PDSS1: variants seen among roughly 807,000 people sequenced by gnomAD.
PDSS1 encodes all trans-polyprenyl-diphosphate synthase PDSS1.
Under a neutral mutation model 57.5 loss-of-function variants are expected in PDSS1, and 43 were observed. The observed-to-expected ratio is 0.75, with a 90% CI of 0.59 to 0.96. PDSS1 has a LOEUF of 0.96. PDSS1 is among the 50% of genes least tolerant of loss of function. The pLI is 0.00. For missense variants in PDSS1, 438 were observed against 527.8 expected (o/e 0.83, Z 1.67); for synonymous variants, 175 against 191.3 (o/e 0.91, Z 0.70).
intron 8 of PDSS1, among the ~76,000 whole-genome samples, chr10:26,731,815 G>A (rs781108826): frequency 2.3e-4 from 35 of 152,156 alleles, no homozygotes; most frequent in Non-Finnish European, 4.0e-4. Context: ...TTTATTTATC[G>A]GAGTCTCACT....
chr10:26,708,020 T>C (rs1435006121), intron 4 of PDSS1, among the ~76,000 whole-genome samples: 3 of 152,238 alleles, frequency 2.0e-5, no homozygotes, highest in South Asian at 2.1e-4. Context: ...CTCCTCCCTG[T>C]CTCAGCTTCC....
intron 11 of PDSS1, among the ~76,000 whole-genome samples, chr10:26,744,638 C>T (rs754475291): frequency 1.3e-5 from 2 of 152,050 alleles, no homozygotes; most frequent in East Asian, 2.0e-4. Flanking sequence ...CCGCCCGCCT[C>T]GGCCTCCCAA....
intron 4 of PDSS1, among the ~76,000 whole-genome samples, chr10:26,708,953 C>G (rs562985233): frequency 6.6e-6 from 1 of 152,366 alleles, no homozygotes; most frequent in South Asian, 2.1e-4. Flanking sequence ...TTCCCGCCTC[C>G]ATCTTTCAAG....
chr10:26,709,831 A>T, intron 5 of PDSS1, 63 bp downstream of exon 5: 2 of 1,536,876 alleles, frequency 1.3e-6, no homozygotes, highest in South Asian at 1.1e-5. Flanking sequence ...TCCCGGGGTT[A>T]CTTACTGTTT....
intron 8 of PDSS1, among the ~76,000 whole-genome samples, chr10:26,732,305 A>C (rs1435460753): frequency 6.6e-6 from 1 of 152,170 alleles, no homozygotes; most frequent in Non-Finnish European, 1.5e-5. Context: ...CATGGTCTTT[A>C]TGCTACCCCA....
chr10:26,724,986 C>A (rs181959362), intron 8 of PDSS1, among the ~76,000 whole-genome samples: 8 of 152,230 alleles, frequency 5.3e-5, no homozygotes, highest in African/African-American at 1.9e-4. Flanking sequence ...TTTCCCCTTG[C>A]TTTCTCCCTC....
At chr10:26,722,426 T>G (rs2489550) in intron 6 of PDSS1, among the ~76,000 whole-genome samples, 2 of 152,126 alleles carry the variant, frequency 1.3e-5, no homozygotes, top group African/African-American at 4.8e-5. Context: ...CACTTACGGC[T>G]GGGTGTGGTG....
At position 26,742,585 on chromosome 10, in the gene PDSS1, T is replaced by C; in HGVS notation, c.1107+8T>C. 2 of 1,581,542 alleles carry C rather than the reference T, an allele frequency of 1.3e-6. No homozygotes were observed. The highest frequency in any genetic ancestry group is 1.7e-6 in the Non-Finnish European group (2 of 1,151,186). On this transcript the variant is annotated splice_region_variant and intron_variant, in intron 11 of 11. Transcript: ENST00000376215. ...CGACAGTATGTACTACAGGTAAGAC[T>C]GTTTTTTTAAAAAAAAGGCAGCAGC...
rs1358211399 is a variant in PDSS1 at position 26,724,036 on chromosome 10, A to G, written c.744A>G (p.Ser248=). The stretch of plus-strand genomic sequence containing the variant: ...TAGGTGAATTTCTTCAGCTCGGGTC[A>G]AAAGAAAATGAGAATGAAAGATTTG... ...LVRGEFLQLG[S]KENENERFAH... Residue 248 remains serine, a synonymous_variant, in exon 8 of 12, where the codon TCA becomes TCG. Transcript: ENST00000376215. 1 of 1,613,944 alleles carries G rather than the reference A, an allele frequency of 6.2e-7. No homozygotes were observed. The highest frequency in any genetic ancestry group is 1.3e-5 in the African/African-American group (1 of 74,948).
intron 8 of PDSS1, 57 bp downstream of exon 8, chr10:26,724,180 A>G: frequency 8.4e-7 from 1 of 1,184,480 alleles, no homozygotes; most frequent in Non-Finnish European, 1.3e-6. Flanking sequence ...TTTGGGAGCT[A>G]ATTTTCCTAG....
At chr10:26,731,372 T>G (rs760774730) in intron 8 of PDSS1, among the ~76,000 whole-genome samples, 1 of 152,250 alleles carries the variant, frequency 6.6e-6, no homozygotes, top group African/African-American at 2.4e-5. Context: ...ATTTAAAAAT[T>G]TTTTTAAAAG....
chr10:26,728,998 C>T (rs1240005511), intron 8 of PDSS1, among the ~76,000 whole-genome samples: 3 of 151,978 alleles, frequency 2.0e-5, no homozygotes, highest in Non-Finnish European at 4.4e-5. Context: ...CCAGGCTGGT[C>T]TCAAACTCCT....
At chr10:26,739,079 G>A (rs1836498723) in intron 10 of PDSS1, among the ~76,000 whole-genome samples, 1 of 152,018 alleles carries the variant, frequency 6.6e-6, no homozygotes, top group African/African-American at 2.4e-5. Context: ...TATTTGATAA[G>A]TCACTAGACC....
At chr10:26,740,818 G>A (rs975814520) in intron 10 of PDSS1, 2 of 380,126 alleles carry the variant, frequency 5.3e-6, no homozygotes, top group African/African-American at 4.2e-5. Context: ...GTGGCAGCTG[G>A]TAGCCAAACC....
chr10:26,736,077 C>T (rs1836387708), intron 10 of PDSS1, among the ~76,000 whole-genome samples: 1 of 152,214 alleles, frequency 6.6e-6, no homozygotes, highest in Non-Finnish European at 1.5e-5. Flanking sequence ...GGCTTTAGAA[C>T]CTCGGCCATT....
At chr10:26,740,529 ATTAT>A (rs1366212700) in intron 10 of PDSS1, 1 of 429,638 alleles carries the variant, frequency 2.3e-6, no homozygotes, top group Admixed American at 2.6e-5. Context: ...GTCTGAAAAA[ATTAT>A]TTCTTTGTCT....
chr10:26,719,405 T>C (rs1483934645), intron 5 of PDSS1, among the ~76,000 whole-genome samples: 1 of 152,226 alleles, frequency 6.6e-6, no homozygotes, highest in Non-Finnish European at 1.5e-5. Flanking sequence ...GAAGGTTAAA[T>C]GTGAGTTGGA....
chr10:26,731,117 G>A (rs764403084), intron 8 of PDSS1, among the ~76,000 whole-genome samples: 7 of 152,108 alleles, frequency 4.6e-5, no homozygotes, highest in East Asian at 1.9e-4. Flanking sequence ...CAAAGCAGGC[G>A]GATCACTTGA....
At chr10:26,722,950 G>A (rs892786404) in intron 6 of PDSS1, among the ~76,000 whole-genome samples, 1 of 148,740 alleles carries the variant, frequency 6.7e-6, no homozygotes, top group African/African-American at 2.5e-5. Context: ...AGTACAAAAA[G>A]CATTTCACTT....
Sources: gnomAD v4.1 joint callset for allele counts (sites outside exome capture counted in the v4.1 genomes callset) on GRCh38, gnomAD v4.1.1 for gene constraint, MANE v1.5 for transcripts, NCBI Gene and HGNC (gene_info 2026-07-23, HGNC 2026-07-21) for gene names.